Variants in PLEKHH2 observed in about 807,000 individuals in gnomAD.
The protein encoded by PLEKHH2 is pleckstrin homology, MyTH4 and FERM domain containing H2.
In PLEKHH2, 129 loss-of-function variants were observed where a neutral mutation model predicts 187.9. The ratio of observed to expected loss-of-function variants is 0.69; its 90% CI spans 0.59 to 0.79. The LOEUF is 0.79. PLEKHH2 is among the 30% of genes least tolerant of loss of function. PLEKHH2 has a pLI of 0.00. For synonymous variants in PLEKHH2, 686 were observed against 605.6 expected (o/e 1.13, Z -1.95); for missense variants, 2,076 against 1,751.2 (o/e 1.19, Z -3.31).
intron 25 of PLEKHH2, among the ~76,000 whole-genome samples, chr2:43,754,535 T>A (rs1369430287): frequency 2.0e-5 from 3 of 152,074 alleles, no homozygotes; most frequent in Admixed American, 2.0e-4. Context: ...TACCAGGGAG[T>A]CCGGGGAATG....
chr2:43,717,194 G>A (rs958110289), intron 15 of PLEKHH2, among the ~76,000 whole-genome samples: 1 of 152,164 alleles, frequency 6.6e-6, no homozygotes, highest in South Asian at 2.1e-4. Context: ...AAGGTGGGAG[G>A]ATCACCTGAG....
intron 2 of PLEKHH2, among the ~76,000 whole-genome samples, chr2:43,667,174 CATGTGGCT>C (rs1282365724): frequency 6.6e-6 from 1 of 152,100 alleles, no homozygotes; most frequent in Non-Finnish European, 1.5e-5. Context: ...AAGGAAATGT[CATGTGGCT>C]ATTTCTTCTA....
intron 2 of PLEKHH2, 77 bp from the exon 3 acceptor site, chr2:43,678,786 G>T (rs989702075): frequency 1.7e-6 from 2 of 1,176,898 alleles, no homozygotes; most frequent in East Asian, 2.4e-5. Flanking sequence ...AGAATTATGA[G>T]ATTTTTAAAG....
At chr2:43,680,680 T>C in intron 3 of PLEKHH2, 1 of 383,348 alleles carries the variant, frequency 2.6e-6, no homozygotes, top group Non-Finnish European at 5.1e-6. Context: ...TTCTGGCTGC[T>C]CAAAATTGAA....
At chr2:43,754,696 G>T (rs1257268656) in intron 25 of PLEKHH2, among the ~76,000 whole-genome samples, 1 of 152,112 alleles carries the variant, frequency 6.6e-6, no homozygotes, top group Non-Finnish European at 1.5e-5. Context: ...TCTGCCATAT[G>T]GCATCTGGAC....
chr2:43,697,347 G>C lies in PLEKHH2; in HGVS notation c.679G>C (p.Asp227His), dbSNP rs1572574175. Reference sequence around the variant, plus strand: ...AGAACCTGAGTTCACTGAAGGAAAAGACATGGAAGGTATTTATGAACTACA... The same window carrying C: ...AGAACCTGAGTTCACTGAAGGAAAACACATGGAAGGTATTTATGAACTACA... ...SKEPEFTEGK[D>H]MEEMEIPEKS... is the part of the protein sequence containing the mutation. The change falls in exon 7 of 30, where the codon GAC becomes CAC. Residue 227 changes from aspartate to histidine, a missense_variant. Transcript: ENST00000282406. The C allele has an allele frequency of 6.2e-7, 1 of 1,607,924 alleles. No homozygotes were observed. Among genetic ancestry groups the C allele is most frequent in the Non-Finnish European group, 8.5e-7 (1 of 1,177,296 alleles).
chr2:43,760,604 C>G (rs183407446), intron 27 of PLEKHH2, among the ~76,000 whole-genome samples: 1 of 152,266 alleles, frequency 6.6e-6, no homozygotes, highest in African/African-American at 2.4e-5. Flanking sequence ...CTGAAGTGAT[C>G]CACCCGCCTC....
At chr2:43,638,913 C>A (rs1415656755) in intron 1 of PLEKHH2, among the ~76,000 whole-genome samples, 1 of 151,950 alleles carries the variant, frequency 6.6e-6, no homozygotes, top group African/African-American at 2.4e-5. Context: ...TTATTATGAC[C>A]CATTAATAGG....
chr2:43,646,675 C>A (rs1420311096), intron 2 of PLEKHH2, among the ~76,000 whole-genome samples: 1 of 152,064 alleles, frequency 6.6e-6, no homozygotes, highest in Non-Finnish European at 1.5e-5. Context: ...CCAGTAATTT[C>A]TCTATAAGTA....
intron 6 of PLEKHH2, among the ~76,000 whole-genome samples, chr2:43,696,894 C>T (rs57055161): frequency 0.015 from 2,268 of 152,186 alleles, 30 homozygotes; most frequent in South Asian, 0.043. Flanking sequence ...TGTGTTTTGT[C>T]GTTGCTTAGA....
At chr2:43,642,982 C>T (rs112180161) in intron 1 of PLEKHH2, among the ~76,000 whole-genome samples, 42 of 152,152 alleles carry the variant, frequency 2.8e-4, no homozygotes, top group African/African-American at 9.9e-4. Flanking sequence ...CGTAAAGATG[C>T]CCCTTTCAGG....
Position 43,700,183 on chromosome 2 carries a change from C to T in PLEKHH2, c.1225C>T (p.Pro409Ser). The T allele has an allele frequency of 1.2e-6, 2 of 1,614,076 alleles. No individual in the cohort carries two copies. The highest frequency in any genetic ancestry group is 1.7e-6 in the Non-Finnish European group (2 of 1,179,996). ...SSSSEANTPS[P>S]ILTPALMPKH... The stretch of plus-strand genomic sequence containing the variant: ...ATCGAGTGAAGCCAACACCCCAAGC[C>T]CTATTTTGACCCCAGCTTTAATGCC... Residue 409 changes from proline to serine, a missense_variant, in exon 8 of 30, where the codon CCT (proline) becomes TCT (serine). Coordinates refer to ENST00000282406, the MANE Select transcript of PLEKHH2 (RefSeq NM_172069.4).
At chr2:43,714,434 C>G (rs1290966487) in intron 15 of PLEKHH2, among the ~76,000 whole-genome samples, 1 of 152,132 alleles carries the variant, frequency 6.6e-6, no homozygotes, top group Non-Finnish European at 1.5e-5. Flanking sequence ...CCCTTAGAAC[C>G]TTATGAGAGA....
At chr2:43,738,276 A>G (rs1045759619) in intron 19 of PLEKHH2, 65 bp from the exon 20 acceptor site, 9 of 1,305,752 alleles carry the variant, frequency 6.9e-6, no homozygotes, top group Admixed American at 4.5e-5. Flanking sequence ...GATATTCGAT[A>G]TAATTCATGC....
rs144618328 is a variant in PLEKHH2 at position 43,750,803 on chromosome 2, A to G, written c.3654-2816A>G. Among the ~76,000 whole-genome samples the G allele has an allele frequency of 6.6e-5, 10 of 152,306 alleles. No individual in the cohort carries two copies. In the East Asian group the frequency reaches 1.7e-3, roughly 26 times the overall value. ...TCACGTACCATTTATTTGTCCATTCATGCCATCTACCAGTGCCAAGACTTG... is the reference window on the plus strand; with the variant it reads ...TCACGTACCATTTATTTGTCCATTCGTGCCATCTACCAGTGCCAAGACTTG... On this transcript the variant is annotated intron_variant, in intron 24 of 29. Transcript: ENST00000282406.
intron 16 of PLEKHH2, among the ~76,000 whole-genome samples, chr2:43,725,611 T>C (rs1417992304): frequency 3.9e-5 from 6 of 152,248 alleles, no homozygotes; most frequent in Non-Finnish European, 8.8e-5. Context: ...ACTGTCTATC[T>C]AAATAATTTC....
intron 1 of PLEKHH2, among the ~76,000 whole-genome samples, chr2:43,643,251 A>C (rs1338605291): frequency 9.2e-5 from 14 of 152,158 alleles, no homozygotes; most frequent in Admixed American, 9.2e-4. Context: ...CAAGGATTCT[A>C]TGAAAACAAA....
intron 25 of PLEKHH2, among the ~76,000 whole-genome samples, chr2:43,754,699 A>T (rs1309747989): frequency 3.3e-5 from 5 of 152,200 alleles, no homozygotes; most frequent in African/African-American, 4.8e-5. Flanking sequence ...GCCATATGGC[A>T]TCTGGACCAA....
chr2:43,749,058 A>G lies in PLEKHH2; in HGVS notation c.3653+3095A>G, dbSNP rs62136409. Among the ~76,000 whole-genome samples, 1,080 of 152,332 alleles carry G rather than the reference A, an allele frequency of 7.1e-3. 17 individuals are homozygous for G. The highest frequency in any genetic ancestry group is 6.9e-3 in the Non-Finnish European group (470 of 68,022). On this transcript the variant is annotated intron_variant, in intron 24 of 29. Transcript: ENST00000282406. ...AGGCATGAGCCACTGCGCCCAGCCA[A>G]GACTATTCCTAATAATCTAAACCTT...
Sources: allele counts gnomAD v4.1 joint callset (sites outside exome capture counted in the v4.1 genomes callset), GRCh38; gene constraint gnomAD v4.1.1; transcripts MANE v1.5; gene names NCBI Gene and HGNC (gene_info 2026-07-23, HGNC 2026-07-21).